Variants in TMEM114 observed in about 807,000 individuals in gnomAD.
TMEM114 encodes claudin-26.
TMEM114 carries 6 observed loss-of-function variants against 6.2 expected under a neutral mutation model. That is an observed-to-expected ratio of 0.97 (90% CI 0.53 to 1.91). The LOEUF (loss-of-function observed/expected upper bound fraction) is 1.91, where lower values mean the gene tolerates loss of function less well. TMEM114 is among the 40% of genes most tolerant of loss of function. The probability of loss-of-function intolerance (pLI) is 0.01; values close to 1 mark genes in which losing one functional copy is unlikely to be tolerated. For missense variants in TMEM114, 218 were observed against 158.3 expected, an observed-to-expected ratio of 1.38 and a Z score of -2.02; for synonymous variants, 104 against 73.0, an observed-to-expected ratio of 1.42 and a Z score of -2.16.
rs1482896262 is a variant in TMEM114 at position 8,590,445 on chromosome 16, C to A, written c.-607G>T. On this transcript the variant is annotated 5_prime_UTR_variant, in exon 1 of 4. Coordinates refer to ENST00000620492, the MANE Select transcript of TMEM114 (RefSeq NM_001146336.2). ...CCTGCTCTCCAGGGTCTTCCCGCAG[C>A]TCCTGCTCTGGCCGGGGCGCAGCTG... Among the ~76,000 whole-genome samples the A allele has an allele frequency of 6.6e-6, 1 of 152,242 alleles. No homozygotes were observed. Among genetic ancestry groups the A allele is most frequent in the African/African-American group, 2.4e-5 (1 of 41,464 alleles).
chr16:8,567,757 TC>T (rs1901593162), downstream of TMEM114, among the ~76,000 whole-genome samples: 1 of 152,166 alleles, frequency 6.6e-6, no homozygotes, highest in Non-Finnish European at 1.5e-5. Flanking sequence ...TGAAAACGTG[TC>T]TCTTGACGAA....
chr16:8,581,607 C>G (rs1235398025), intron 2 of TMEM114, among the ~76,000 whole-genome samples: 2 of 152,190 alleles, frequency 1.3e-5, no homozygotes, highest in East Asian at 1.9e-4. Flanking sequence ...GCGCATGCCA[C>G]CACACCTGGC....
At chr16:8,549,174 T>C (rs1596470367) in intron 2 of TMEM114, among the ~76,000 whole-genome samples, 3 of 90,560 alleles carry the variant, frequency 3.3e-5, no homozygotes, top group African/African-American at 9.8e-5. Context: ...AGAACGAGAC[T>C]CCATCTCAAA....
intron 2 of TMEM114, among the ~76,000 whole-genome samples, chr16:8,550,368 G>A (rs914821430): frequency 3.3e-5 from 5 of 152,204 alleles, no homozygotes; most frequent in Non-Finnish European, 7.3e-5. Flanking sequence ...TTTTGTTCGT[G>A]TTCTCTGGAA....
chr16:8,545,634 G>C (rs1271795445), intron 2 of TMEM114, among the ~76,000 whole-genome samples: 1 of 152,098 alleles, frequency 6.6e-6, no homozygotes, highest in East Asian at 1.9e-4. Flanking sequence ...ATCATTAGTG[G>C]GGTCTGAGAA....
intron 3 of TMEM114, among the ~76,000 whole-genome samples, chr16:8,571,870 T>A (rs1901745648): frequency 6.6e-6 from 1 of 152,164 alleles, no homozygotes; most frequent in African/African-American, 2.4e-5. Context: ...AAAAGGATTC[T>A]TGGAAGCTGC....
chr16:8,578,378 G>A (rs762637004), intron 2 of TMEM114, among the ~76,000 whole-genome samples: 5 of 152,042 alleles, frequency 3.3e-5, no homozygotes, highest in Non-Finnish European at 5.9e-5. Context: ...ATGCTCCCTG[G>A]CTTGTGGCTA....
intron 2 of TMEM114, among the ~76,000 whole-genome samples, chr16:8,562,214 G>C (rs1229736188): frequency 3.4e-5 from 5 of 147,838 alleles, no homozygotes; most frequent in Admixed American, 2.7e-4. Flanking sequence ...GTGAATGAGT[G>C]AGTAAATGAG....
At chr16:8,584,922 C>CAAAAAAAA (rs905674847) in intron 2 of TMEM114, among the ~76,000 whole-genome samples, 1 of 49,186 alleles carries the variant, frequency 2.0e-5, no homozygotes, top group African/African-American at 7.0e-5. Context: ...AACGCCGTCT[C>CAAAAAAAA]AAAAAAAAAA....
At chr16:8,572,327 A>G in intron 2 of TMEM114, 103 bp from the exon 3 acceptor site, 1 of 1,253,710 alleles carries the variant, frequency 8.0e-7, no homozygotes, top group Non-Finnish European at 1.1e-6. Flanking sequence ...GGGAAAATCC[A>G]CACTGTCACT....
chr16:8,551,003 C>T (rs911161482), intron 2 of TMEM114, among the ~76,000 whole-genome samples: 3 of 152,186 alleles, frequency 2.0e-5, no homozygotes, highest in African/African-American at 4.8e-5. Flanking sequence ...GGTTCTAACC[C>T]TAAACGAGTT....
At chr16:8,586,517 T>C (rs541475624) in intron 2 of TMEM114, among the ~76,000 whole-genome samples, 81 of 150,452 alleles carry the variant, frequency 5.4e-4, no homozygotes, top group African/African-American at 1.8e-3. Flanking sequence ...TTCTTTTTTT[T>C]TGTTTTTTTT....
chr16:8,563,757 G>C (rs1028642498), intron 2 of TMEM114, among the ~76,000 whole-genome samples: 1 of 142,098 alleles, frequency 7.0e-6, no homozygotes, highest in Non-Finnish European at 1.6e-5. Flanking sequence ...CAGTGAATAA[G>C]TGAGGGAATG....
the TMEM114 span, among the ~76,000 whole-genome samples, chr16:8,528,234 C>T: frequency 7.7e-6 from 1 of 129,652 alleles, no homozygotes. Context: ...TGAATTTGTT[C>T]ACCCAAAATG....
chr16:8,551,467 C>T (rs1331281125), intron 2 of TMEM114, among the ~76,000 whole-genome samples: 1 of 152,138 alleles, frequency 6.6e-6, no homozygotes, highest in Non-Finnish European at 1.5e-5. Flanking sequence ...ATGAAAATGT[C>T]AAGGCCAAAT....
At chr16:8,540,762 C>G (rs545463464) in intron 2 of TMEM114, among the ~76,000 whole-genome samples, 2 of 152,256 alleles carry the variant, frequency 1.3e-5, no homozygotes, top group East Asian at 3.9e-4. Context: ...TGGACATAAA[C>G]CAAAGAATCA....
At chr16:8,564,853 GTGAGTGAATGAA>G (rs1301939307), downstream of TMEM114, among the ~76,000 whole-genome samples, 1 of 35,454 alleles carries the variant, frequency 2.8e-5, no homozygotes, top group Non-Finnish European at 5.6e-5. Context: ...GAGTGAATGA[GTGAGTGAATGAA>G]TGAGGGAGGG....
At chr16:8,527,967 G>A in the TMEM114 span, among the ~76,000 whole-genome samples, 1 of 151,994 alleles carries the variant, frequency 6.6e-6, no homozygotes, top group Non-Finnish European at 1.5e-5. Context: ...GAGTGCAGTG[G>A]TGCGATCTCA....
At chr16:8,541,592 C>G (rs1036266974) in intron 2 of TMEM114, among the ~76,000 whole-genome samples, 1 of 152,058 alleles carries the variant, frequency 6.6e-6, no homozygotes, top group African/African-American at 2.4e-5. Context: ...CCCACATCTT[C>G]AATATATTTG....
Sources: allele counts gnomAD v4.1 joint callset (sites outside exome capture counted in the v4.1 genomes callset), GRCh38; gene constraint gnomAD v4.1.1; transcripts MANE v1.5; gene names NCBI Gene and HGNC (gene_info 2026-07-23, HGNC 2026-07-21).